Variants in DTNB observed in about 807,000 individuals in gnomAD.
DTNB encodes DTN-B.
DTNB carries 63 observed loss-of-function variants against 90.7 expected under a neutral mutation model. The ratio of observed to expected loss-of-function variants is 0.69; its 90% CI spans 0.57 to 0.86. The LOEUF is 0.86. Among genes scored for constraint, DTNB ranks in the 40% least tolerant of loss-of-function variants. The pLI is 0.00. For synonymous variants in DTNB, 277 were observed against 286.7 expected (o/e 0.97, Z 0.34); for missense variants, 744 against 807.1 (o/e 0.92, Z 0.95).
At chr2:25,486,812 T>C (rs2066289342) in intron 9 of DTNB, among the ~76,000 whole-genome samples, 1 of 152,174 alleles carries the variant, frequency 6.6e-6, no homozygotes, top group African/African-American at 2.4e-5. Context: ...TAGATTGGTT[T>C]TGTTGATCTT....
intron 7 of DTNB, 85 bp downstream of exon 7, chr2:25,580,636 G>T: frequency 1.6e-6 from 2 of 1,225,560 alleles, no homozygotes; most frequent in Non-Finnish European, 2.4e-6. Context: ...AATTTTCAAT[G>T]ATATTAATAG....
chr2:25,628,270 A>G lies in DTNB; in HGVS notation c.263T>C (p.Ile88Thr). The G allele has an allele frequency of 1.9e-6, 3 of 1,613,212 alleles. No homozygotes were observed. Among genetic ancestry groups the G allele is most frequent in the South Asian group, 1.1e-5 (1 of 91,050 alleles). Residue 88 changes from isoleucine to threonine, a missense_variant, in exon 4 of 21, where the codon ATC (isoleucine) becomes ACC (threonine). Coordinates refer to ENST00000406818, the MANE Select transcript of DTNB (RefSeq NM_021907.5). ...AAGGCGCTTGTTCAACTGATAGTAG[A>G]TGGAGGAGATGACAGTTTCGAGGCG... ...VSRLETVISS[I>T]YYQLNKRLPS...
At chr2:25,528,979 AGATTCAGT>A (rs2077645489) in intron 9 of DTNB, among the ~76,000 whole-genome samples, 1 of 152,242 alleles carries the variant, frequency 6.6e-6, no homozygotes, top group Non-Finnish European at 1.5e-5. Context: ...TTTGATCTTT[AGATTCAGT>A]GAATCTCTGA....
chr2:25,378,195 T>C (rs1042337569), intron 20 of DTNB, among the ~76,000 whole-genome samples: 11 of 152,278 alleles, frequency 7.2e-5, no homozygotes, highest in African/African-American at 2.6e-4. Context: ...CAGTTCCTGA[T>C]TTCCCTCCTC....
rs565690334 is a variant in DTNB, at chr2:25,408,553, A to T, written c.1575+10962T>A. Among the ~76,000 whole-genome samples the T allele has an allele frequency of 2.3e-3, 343 of 150,926 alleles. 5 individuals carry two copies. The highest frequency in any genetic ancestry group is 7.8e-3 in the African/African-American group (320 of 40,974). On this transcript the variant is annotated intron_variant, in intron 16 of 20. Transcript: ENST00000406818. ...GACTCCATCTCAAAAAAAAAAAAAA[A>T]AAAAAAAAAAGCACCACTTTAGCTG... is the stretch of plus-strand genomic sequence containing the variant.
intron 8 of DTNB, among the ~76,000 whole-genome samples, chr2:25,538,641 G>A (rs1028946814): frequency 1.3e-5 from 2 of 151,774 alleles, no homozygotes; most frequent in African/African-American, 4.8e-5. Flanking sequence ...TAGTAGAGAC[G>A]GGGTTTCACC....
chr2:25,626,855 G>A (rs2074272402), intron 4 of DTNB, among the ~76,000 whole-genome samples: 1 of 152,184 alleles, frequency 6.6e-6, no homozygotes, highest in African/African-American at 2.4e-5. Context: ...AAATCAGATG[G>A]CCAAGAGTAT....
chr2:25,378,433 C>T (rs1011838551), intron 20 of DTNB, among the ~76,000 whole-genome samples: 2 of 152,168 alleles, frequency 1.3e-5, no homozygotes, highest in African/African-American at 2.4e-5. Context: ...AATGGCCTGG[C>T]GCGGTTGGGC....
intron 8 of DTNB, among the ~76,000 whole-genome samples, chr2:25,573,853 T>C (rs1474482137): frequency 1.3e-5 from 2 of 151,280 alleles, no homozygotes; most frequent in Non-Finnish European, 2.9e-5. Flanking sequence ...TTCAGTGACT[T>C]AACGCAAAGT....
chr2:25,661,244 A>G (rs2083117130), intron 1 of DTNB, among the ~76,000 whole-genome samples: 1 of 152,228 alleles, frequency 6.6e-6, no homozygotes, highest in Non-Finnish European at 1.5e-5. Context: ...AAAACTCATG[A>G]GAAAGATGAA....
intron 2 of DTNB, among the ~76,000 whole-genome samples, chr2:25,640,096 C>CA (rs1449667141): frequency 6.6e-6 from 1 of 152,166 alleles, no homozygotes; most frequent in Non-Finnish European, 1.5e-5. Flanking sequence ...AATAGAATGA[C>CA]TGTTTGAGGG....
intron 7 of DTNB, among the ~76,000 whole-genome samples, chr2:25,578,637 G>A (rs2061074034): frequency 2.0e-5 from 3 of 152,106 alleles, no homozygotes; most frequent in Non-Finnish European, 4.4e-5. Flanking sequence ...GAACCAGAAT[G>A]ATGAAAAAAT....
intron 4 of DTNB, among the ~76,000 whole-genome samples, chr2:25,609,655 T>C (rs1056203364): frequency 1.3e-3 from 74 of 55,158 alleles, no homozygotes; most frequent in Middle Eastern, 9.4e-3. Context: ...CATAATAGAA[T>C]GTACACACAC....
chr2:25,557,394 A>C (rs1351703164), intron 8 of DTNB, among the ~76,000 whole-genome samples: 1 of 152,222 alleles, frequency 6.6e-6, no homozygotes, highest in African/African-American at 2.4e-5. Context: ...CACCGGACAC[A>C]TCACAGTTCC....
Position 25,546,407 on chromosome 2 carries a change from T to C in DTNB, c.877-14810A>G, listed in dbSNP as rs73922417. Among the ~76,000 whole-genome samples, 860 of 152,346 alleles carry C rather than the reference T, an allele frequency of 5.6e-3. 8 individuals carry two copies. Among genetic ancestry groups the C allele is most frequent in the African/African-American group, 0.02 (821 of 41,582 alleles). On this transcript the variant is annotated intron_variant, in intron 8 of 20. Transcript: ENST00000406818. ...GGTAGATTTTGTAAGTTTTCTTTTT[T>C]CCCAGAGCCTGGCTGCTGGATATTT... is the stretch of plus-strand genomic sequence containing the variant.
chr2:25,462,706 C>A (rs1266237122), intron 10 of DTNB, among the ~76,000 whole-genome samples: 2 of 151,442 alleles, frequency 1.3e-5, no homozygotes, highest in Non-Finnish European at 3.0e-5. Context: ...ACTCAGAACA[C>A]TCTTTTTTTT....
At chr2:25,557,961 G>C (rs2057642125) in intron 8 of DTNB, among the ~76,000 whole-genome samples, 1 of 152,206 alleles carries the variant, frequency 6.6e-6, no homozygotes, top group African/African-American at 2.4e-5. Flanking sequence ...TAAACAAGAA[G>C]AACGAGCTGG....
At chr2:25,435,469 T>C (rs185410705) in intron 12 of DTNB, among the ~76,000 whole-genome samples, 195 of 152,358 alleles carry the variant, frequency 1.3e-3, no homozygotes, top group Middle Eastern at 3.4e-3. Flanking sequence ...TTCTGGATAT[T>C]TCATATAAAT....
chr2:25,649,934 G>C (rs2080493121), intron 2 of DTNB: 1 of 827,514 alleles, frequency 1.2e-6, no homozygotes, highest in African/African-American at 1.8e-5. Flanking sequence ...TGGAAATGAG[G>C]GGGTGGGGCT....
Sources: allele counts gnomAD v4.1 joint callset (sites outside exome capture counted in the v4.1 genomes callset), GRCh38; gene constraint gnomAD v4.1.1; transcripts MANE v1.5; gene names NCBI Gene and HGNC (gene_info 2026-07-23, HGNC 2026-07-21).